Variants in MAP3K20 observed in about 807,000 individuals in gnomAD.
The protein encoded by MAP3K20 is HCCS-4.
MAP3K20 carries 40 observed loss-of-function variants against 85.7 expected under a neutral mutation model. The observed-to-expected ratio is 0.47, with a 90% CI of 0.36 to 0.61. MAP3K20 has a LOEUF of 0.61. Ranked by LOEUF, MAP3K20 falls within the 20% of genes least tolerant of loss-of-function variation. The pLI is 0.00. For synonymous variants in MAP3K20, 325 were observed against 327.7 expected (o/e 0.99, Z 0.09); for missense variants, 817 against 961.7 (o/e 0.85, Z 1.99).
intron 16 of MAP3K20, among the ~76,000 whole-genome samples, chr2:173,251,389 G>C (rs1685039072): frequency 1.3e-5 from 2 of 152,076 alleles, no homozygotes; most frequent in African/African-American, 4.8e-5. Context: ...TGGCATGCGT[G>C]GACTTGAATT....
intron 8 of MAP3K20, among the ~76,000 whole-genome samples, chr2:173,202,521 TAAC>T (rs1188386354): frequency 6.6e-6 from 1 of 152,236 alleles, no homozygotes; most frequent in Non-Finnish European, 1.5e-5. Context: ...GCTCATTTTA[TAAC>T]AACTATGTTA....
At chr2:173,167,839 T>A (rs183044162) in intron 2 of MAP3K20, among the ~76,000 whole-genome samples, 1 of 152,300 alleles carries the variant, frequency 6.6e-6, no homozygotes, top group Admixed American at 6.5e-5. Context: ...TTGTATTTAT[T>A]CTTTATTGAT....
Position 173,258,838 on chromosome 2 carries a change from A to C in MAP3K20, c.1476+23A>C, listed in dbSNP as rs539212742. 9 of 1,453,190 alleles carry C rather than the reference A, an allele frequency of 6.2e-6. No individual in the cohort carries two copies. The African/African-American group carries it at 8.4e-5, about 14-fold the overall frequency. The allele number at this position is 1,453,190 out of a possible 1,614,324, so 90.0% of individuals were successfully genotyped here. On this transcript the variant is annotated intron_variant, in intron 17 of 19. Transcript: ENST00000375213. ...AAGGTAGGGTTCTATTTACGGCTTAAAAGCTCTTTTGAATTCACAGATATC... is the reference window on the plus strand; with the variant it reads ...AAGGTAGGGTTCTATTTACGGCTTACAAGCTCTTTTGAATTCACAGATATC...
At chr2:173,188,335 T>C (rs1315801511) in intron 5 of MAP3K20, among the ~76,000 whole-genome samples, 2 of 152,210 alleles carry the variant, frequency 1.3e-5, no homozygotes, top group Admixed American at 6.5e-5. Context: ...GGCAGTAGCA[T>C]TATAGCACTA....
chr2:173,199,662 GTT>G (rs71018542), intron 8 of MAP3K20, among the ~76,000 whole-genome samples: 87 of 130,586 alleles, frequency 6.7e-4, no homozygotes, highest in East Asian at 4.0e-3. Context: ...GAGAAAGGTT[GTT>G]TTTTTTTTTT....
chr2:173,129,180 G>A (rs1434072264), intron 2 of MAP3K20, among the ~76,000 whole-genome samples: 1 of 151,948 alleles, frequency 6.6e-6, no homozygotes, highest in Non-Finnish European at 1.5e-5. Flanking sequence ...GCCCTCCTCG[G>A]CTTCCCAAAG....
At chr2:173,208,194 G>A (rs1222526658) in intron 9 of MAP3K20, among the ~76,000 whole-genome samples, 2 of 152,230 alleles carry the variant, frequency 1.3e-5, no homozygotes, top group East Asian at 1.9e-4. Context: ...GGGACAAGGA[G>A]TTTGAGACCA....
chr2:173,085,959 C>T (rs1250014802), intron 1 of MAP3K20, among the ~76,000 whole-genome samples: 1 of 151,818 alleles, frequency 6.6e-6, no homozygotes, highest in Non-Finnish European at 1.5e-5. Context: ...CCATGCCTGG[C>T]TAATTTTTGC....
intron 8 of MAP3K20, among the ~76,000 whole-genome samples, chr2:173,203,393 A>C (rs1683556685): frequency 6.6e-6 from 1 of 152,212 alleles, no homozygotes; most frequent in African/African-American, 2.4e-5. Context: ...TTGTATACCT[A>C]CTGCCAAAGC....
At chr2:173,088,862 A>T (rs998809675) in intron 1 of MAP3K20, among the ~76,000 whole-genome samples, 1 of 152,206 alleles carries the variant, frequency 6.6e-6, no homozygotes, top group African/African-American at 2.4e-5. Flanking sequence ...GTTGATTCAC[A>T]TATGTTTATA....
intron 2 of MAP3K20, among the ~76,000 whole-genome samples, chr2:173,133,043 A>C (rs1688661486): frequency 6.6e-6 from 1 of 152,182 alleles, no homozygotes; most frequent in South Asian, 2.1e-4. Context: ...TCTCTACTTA[A>C]GTTGGTGATA....
At chr2:173,230,895 CTG>C (rs1684508116) in intron 12 of MAP3K20, among the ~76,000 whole-genome samples, 1 of 152,090 alleles carries the variant, frequency 6.6e-6, no homozygotes, top group Non-Finnish European at 1.5e-5. Context: ...ACTTGGGAGA[CTG>C]AGGCAAGAGA....
intron 11 of MAP3K20, chr2:173,225,700 T>C (rs917218358): frequency 2.0e-6 from 2 of 985,232 alleles, no homozygotes; most frequent in Admixed American, 6.1e-5. Context: ...ATTATTTTTC[T>C]CCTGAACAAA....
intron 2 of MAP3K20, among the ~76,000 whole-genome samples, chr2:173,141,212 A>T (rs368647582): frequency 6.6e-6 from 1 of 151,960 alleles, no homozygotes; most frequent in Admixed American, 6.5e-5. Flanking sequence ...TTTTATACTA[A>T]ATTCTCGTGT....
At chr2:173,132,510 A>C (rs1279370110) in intron 2 of MAP3K20, among the ~76,000 whole-genome samples, 1 of 152,094 alleles carries the variant, frequency 6.6e-6, no homozygotes, top group Non-Finnish European at 1.5e-5. Flanking sequence ...GCTTCTTGTC[A>C]TTAAAACACC....
intron 2 of MAP3K20, among the ~76,000 whole-genome samples, chr2:173,147,347 AT>A (rs1435013943): frequency 6.6e-6 from 1 of 152,036 alleles, no homozygotes; most frequent in East Asian, 1.9e-4. Context: ...TGTGTGATTC[AT>A]TTTTTGTCTG....
At chr2:173,193,647 T>G (rs1690731942) in intron 7 of MAP3K20, among the ~76,000 whole-genome samples, 1 of 152,208 alleles carries the variant, frequency 6.6e-6, no homozygotes, top group Admixed American at 6.5e-5. Context: ...TGTATCATTT[T>G]AAAATCTCTT....
At chr2:173,229,564 C>G (rs1344823865) in intron 11 of MAP3K20, 125 bp from the exon 12 acceptor site, 1 of 1,239,516 alleles carries the variant, frequency 8.1e-7, no homozygotes, top group Non-Finnish European at 1.1e-6. Context: ...CCATTCAACC[C>G]AACCTGCAGG....
At chr2:173,197,444 T>C (rs1690884953) in intron 7 of MAP3K20, among the ~76,000 whole-genome samples, 2 of 152,178 alleles carry the variant, frequency 1.3e-5, no homozygotes, top group African/African-American at 4.8e-5. Context: ...TAGATGAAAA[T>C]AGATCCCTTA....
Sources: gnomAD v4.1 joint callset for allele counts (sites outside exome capture counted in the v4.1 genomes callset) on GRCh38, gnomAD v4.1.1 for gene constraint, MANE v1.5 for transcripts, NCBI Gene and HGNC (gene_info 2026-07-23, HGNC 2026-07-21) for gene names.